The following TRERF1 variants were observed in gnomAD, a reference collection of about 807,000 sequenced individuals.
TRERF1 encodes transcriptional regulating factor 1.
In TRERF1, 27 loss-of-function variants were observed where a neutral mutation model predicts 122.9. The observed-to-expected ratio is 0.22, with a 90% confidence interval of 0.16 to 0.30. The LOEUF is 0.30. Among genes scored for constraint, TRERF1 ranks in the 10% least tolerant of loss-of-function variants. The probability of loss-of-function intolerance (pLI) is 1.00; values close to 1 mark genes in which losing one functional copy is unlikely to be tolerated. For missense variants in TRERF1, 1,248 were observed against 1,560.3 expected (o/e 0.80, Z 3.37); for synonymous variants, 636 against 641.7 (o/e 0.99, Z 0.13).
At chr6:42,250,410 T>G (rs760457491) in intron 13 of TRERF1, among the ~76,000 whole-genome samples, 2 of 152,184 alleles carry the variant, frequency 1.3e-5, no homozygotes, top group Non-Finnish European at 2.9e-5. Context: ...AATCCGAAGT[T>G]AACGAAAGGC....
Position 42,289,332 on chromosome 6 carries a change from AAAAAAACAAACAAAC to A in TRERF1, c.-259+11291_-259+11305del, listed in dbSNP as rs1218542233. On this transcript the variant is annotated intron_variant, in intron 4 of 17. Coordinates refer to ENST00000372922, the Ensembl canonical transcript of TRERF1. Reference sequence around the variant, plus strand: ...GGTGACAGAGTGAGACTCTGTCTCAAAAAAAACAAACAAACAAAAAAAAAACAAAAAAAAACACAA... The same window carrying A: ...GGTGACAGAGTGAGACTCTGTCTCAAAAAAAAAAAACAAAAAAAAACACAA... 5.7e-4 allele frequency among the ~76,000 whole-genome samples: 79 copies of A among 139,628 alleles called. 1 individual carries two copies. The highest frequency in any genetic ancestry group is 2.1e-3 in the African/African-American group (79 of 37,262). The allele number at this position is 139,628 out of a possible 152,430, so 91.6% of individuals were successfully genotyped here.
intron 2 of TRERF1, among the ~76,000 whole-genome samples, chr6:42,381,312 G>T (rs1775866628): frequency 6.6e-6 from 1 of 150,714 alleles, no homozygotes; most frequent in African/African-American, 2.4e-5. Context: ...AGTATTTGGT[G>T]GTTCCTTAAA....
At position 42,276,969 on chromosome 6, in the gene TRERF1, G is replaced by C. The variant is rs1781250507; in HGVS notation, c.-258-7121C>G. On this transcript the variant is annotated intron_variant, in intron 4 of 17. Transcript: ENST00000372922. The surrounding 1 kb of genome is among the most constrained non-coding windows in gnomAD (Gnocchi z 4.3). The stretch of plus-strand genomic sequence containing the variant: ...CTTCCTGCAGGTGGCTCCTCATTAG[G>C]AAATAGAGATTGGACCGATTTCACT... 6.6e-6 allele frequency among the ~76,000 whole-genome samples: 1 copy of C among 152,212 alleles called. No homozygotes were observed. Among genetic ancestry groups the C allele is most frequent in the East Asian group, 1.9e-4 (1 of 5,200 alleles).
At chr6:42,355,837 A>G (rs1037233633) in intron 3 of TRERF1, among the ~76,000 whole-genome samples, 1 of 152,228 alleles carries the variant, frequency 6.6e-6, no homozygotes, top group Non-Finnish European at 1.5e-5. Flanking sequence ...CCAAGATGAT[A>G]AAGTGTTCAG....
intron 2 of TRERF1, among the ~76,000 whole-genome samples, chr6:42,402,490 G>A (rs1246856147): frequency 2.0e-5 from 3 of 152,176 alleles, no homozygotes; most frequent in African/African-American, 7.2e-5. Flanking sequence ...AACTCAAACT[G>A]TAATTACCCA....
intron 3 of TRERF1, among the ~76,000 whole-genome samples, chr6:42,323,024 A>T (rs1763700139): frequency 6.6e-6 from 1 of 151,630 alleles, no homozygotes; most frequent in African/African-American, 2.4e-5. Context: ...ACCTATTCTC[A>T]CACTCTCCAT....
At chr6:42,339,005 C>T (rs1766735607) in intron 3 of TRERF1, among the ~76,000 whole-genome samples, 1 of 152,202 alleles carries the variant, frequency 6.6e-6, no homozygotes, top group South Asian at 2.1e-4. Flanking sequence ...CATCTTTTTC[C>T]CAGCCTTTCT....
intron 3 of TRERF1, among the ~76,000 whole-genome samples, chr6:42,336,994 C>T (rs948067900): frequency 2.0e-5 from 3 of 152,016 alleles, no homozygotes; most frequent in South Asian, 2.1e-4. Context: ...ATAGGAGCTG[C>T]GGGGGGCAGG....
At chr6:42,227,799 G>A (rs1769751490) in exon 18 of TRERF1, 1 of 152,270 alleles carries the variant, frequency 6.6e-6, no homozygotes, top group South Asian at 2.1e-4. Flanking sequence ...GTGAGCTGGA[G>A]GAGAGCCGTG....
chr6:42,420,997 G>A (rs948131881), intron 2 of TRERF1, among the ~76,000 whole-genome samples: 13 of 152,218 alleles, frequency 8.5e-5, no homozygotes, highest in Admixed American at 2.6e-4. Flanking sequence ...ACAGTAGAAG[G>A]TAGTGAATAT....
chr6:42,336,059 T>C (rs1766113359), intron 3 of TRERF1, among the ~76,000 whole-genome samples: 2 of 152,258 alleles, frequency 1.3e-5, no homozygotes, highest in African/African-American at 2.4e-5. Context: ...TTCACTGTAG[T>C]GAGTTTAAAT....
chr6:42,313,812 T>C (rs1230016180), intron 3 of TRERF1, among the ~76,000 whole-genome samples: 2 of 152,174 alleles, frequency 1.3e-5, no homozygotes, highest in African/African-American at 4.8e-5. Flanking sequence ...GGAACTCTCC[T>C]GGTCATATTC....
chr6:42,409,163 C>T (rs1267826225), intron 2 of TRERF1, among the ~76,000 whole-genome samples: 1 of 152,030 alleles, frequency 6.6e-6, no homozygotes, highest in Admixed American at 6.6e-5. Flanking sequence ...CCTGTAGTCC[C>T]AGCTACTCAA....
At chr6:42,260,714 G>T (rs1379156170) in intron 8 of TRERF1, among the ~76,000 whole-genome samples, 1 of 152,116 alleles carries the variant, frequency 6.6e-6, no homozygotes, top group African/African-American at 2.4e-5. Context: ...GCAGGTCCTG[G>T]AGACTCCTGA....
chr6:42,287,670 CA>C (rs1234848340), intron 4 of TRERF1, among the ~76,000 whole-genome samples: 16 of 152,282 alleles, frequency 1.1e-4, no homozygotes, highest in Non-Finnish European at 1.9e-4. Context: ...ACTGGGACCC[CA>C]GGGGCCCACC....
At chr6:42,430,423 T>C (rs1039743392) in intron 2 of TRERF1, among the ~76,000 whole-genome samples, 19 of 152,132 alleles carry the variant, frequency 1.2e-4, no homozygotes, top group Admixed American at 4.6e-4. Flanking sequence ...TTTTTTCTCT[T>C]AAGAGCTGCT....
intron 2 of TRERF1, among the ~76,000 whole-genome samples, chr6:42,450,844 C>T (rs1416376942): frequency 6.6e-6 from 1 of 152,192 alleles, no homozygotes; most frequent in South Asian, 2.1e-4. Flanking sequence ...TCAAAAACCC[C>T]AAAAGGCAGA....
intron 2 of TRERF1, among the ~76,000 whole-genome samples, chr6:42,442,188 G>C (rs2151783520): frequency 6.6e-6 from 1 of 151,990 alleles, no homozygotes; most frequent in East Asian, 1.9e-4. Flanking sequence ...ATCTCCTATT[G>C]TAATGACAAC....
At chr6:42,243,348 G>A (rs1774107447) in exon 15 of TRERF1, 3 of 1,613,392 alleles carry the variant, frequency 1.9e-6, no homozygotes, top group Non-Finnish European at 2.5e-6. Flanking sequence ...CTGAGCCACC[G>A]TCTTGGACTT....
Sources: allele counts gnomAD v4.1 joint callset (sites outside exome capture counted in the v4.1 genomes callset), GRCh38; gene constraint gnomAD v4.1.1; non-coding constraint Gnocchi (gnomAD v3.1); transcripts MANE v1.5; gene names NCBI Gene and HGNC (gene_info 2026-07-23, HGNC 2026-07-21).